The following KRT6C variants were observed in gnomAD, a reference collection of about 807,000 sequenced individuals.
KRT6C encodes keratin 6C, also known as keratin, type II cytoskeletal 6C.
Under a neutral mutation model 49.4 loss-of-function variants are expected in KRT6C, and 46 were observed. That is an observed-to-expected ratio of 0.93 (90% CI 0.74 to 1.19). The LOEUF is 1.19. KRT6C is among the 50% of genes most tolerant of loss of function. KRT6C has a pLI of 0.00. For missense variants in KRT6C, 552 were observed against 737.5 expected (o/e 0.75, Z 2.91); for synonymous variants, 236 against 297.1 (o/e 0.79, Z 2.12).
At position 52,469,982 on chromosome 12, in the gene KRT6C, A is replaced by G. The variant is rs1937845696; in HGVS notation, c.1204-92T>C. Reference sequence around the variant, plus strand: ...GTGAACCAGGGTCCTGTAACCCAAAATTGACAGAGAATGAGCTTTGACTCT... The same window carrying G: ...GTGAACCAGGGTCCTGTAACCCAAAGTTGACAGAGAATGAGCTTTGACTCT... On this transcript the variant is annotated intron_variant, in intron 6 of 8. Transcript: ENST00000252250. The G allele has an allele frequency of 3.6e-6, 5 of 1,378,892 alleles. No individual in the cohort carries two copies. In the South Asian group the frequency reaches 6.0e-5, roughly 17 times the overall value. 85.4% of individuals were successfully genotyped at this position (1,378,892 alleles called of 1,614,324 possible). A position where few individuals can be genotyped will look rare whatever the true frequency, so the allele number is the denominator to read the frequency against.
chr12:52,469,746 C>T lies in KRT6C; in HGVS notation c.1348G>A (p.Glu450Lys). 3 of 1,614,130 alleles carry T rather than the reference C, an allele frequency of 1.9e-6. No homozygotes were observed. The highest frequency in any genetic ancestry group is 2.5e-6 in the Non-Finnish European group (3 of 1,180,006). ...DLARLLKEYQ[E>K]LMNVKLALDV... ...AGGGCCAGCTTGACATTCATCAGCT[C>T]CTGGTACTCCTTCAGCAGCCGGGCC... Residue 450 changes from glutamate (E) to lysine (K), a missense_variant, in exon 7 of 9, where the codon GAG (glutamate) becomes AAG (lysine). Transcript: ENST00000252250.
chr12:52,468,718 G>A lies in KRT6C; in HGVS notation c.*344C>T. 1 of 321,958 alleles carries A rather than the reference G, an allele frequency of 3.1e-6. No homozygotes were observed. Among genetic ancestry groups the A allele is most frequent in the Non-Finnish European group, 5.8e-6 (1 of 173,154 alleles). The allele number at this position is 321,958 out of a possible 1,614,324, so 19.9% of individuals were successfully genotyped here. A position where few individuals can be genotyped will look rare whatever the true frequency, so the allele number is the denominator to read the frequency against. On this transcript the variant is annotated 3_prime_UTR_variant, in exon 9 of 9. Transcript: ENST00000252250. ...GAAGTTGTTCTGAAATAAGCCCCAGGCGATTTTCAGTAATGAAAAGGAACA... is the reference window on the plus strand; with the variant it reads ...GAAGTTGTTCTGAAATAAGCCCCAGACGATTTTCAGTAATGAAAAGGAACA...
rs1254263155 is a variant in KRT6C at position 52,468,876 on chromosome 12, AGCAATGGGTGCTCAGATGGG to A, written c.*166_*185del. 1 of 666,316 alleles carries A rather than the reference AGCAATGGGTGCTCAGATGGG, an allele frequency of 1.5e-6. No individual in the cohort carries two copies. Among genetic ancestry groups the A allele is most frequent in the Non-Finnish European group, 2.6e-6 (1 of 386,722 alleles). 41.3% of individuals were successfully genotyped at this position (666,316 alleles called of 1,614,324 possible). A position where few individuals can be genotyped will look rare whatever the true frequency, so the allele number is the denominator to read the frequency against. ...AAAATCAAAGGTTGATCTGATGGTG[AGCAATGGGTGCTCAGATGGG>A]GCAGGTATAGACAGAGAGAAGTGAG... On this transcript the variant is annotated 3_prime_UTR_variant, in exon 9 of 9. Coordinates refer to ENST00000252250, the MANE Select transcript of KRT6C (RefSeq NM_173086.5).
chr12:52,468,916 A>C lies in KRT6C; in HGVS notation c.*146T>G. On this transcript the variant is annotated 3_prime_UTR_variant, in exon 9 of 9. Coordinates refer to ENST00000252250, the MANE Select transcript of KRT6C (RefSeq NM_173086.5). ...GATGGGGCAGGTATAGACAGAGAGA[A>C]GTGAGGGCACTAAGCATCCATACCC... is the stretch of plus-strand genomic sequence containing the variant. 1.1e-6 allele frequency: 1 copy of C among 951,546 alleles called. No homozygotes were observed. The highest frequency in any genetic ancestry group is 1.6e-6 in the Non-Finnish European group (1 of 628,072). 58.9% of individuals were successfully genotyped at this position (951,546 alleles called of 1,614,324 possible).
Position 52,469,740 on chromosome 12 carries a change from T to G in KRT6C, c.1354A>C (p.Met452Leu). The G allele has an allele frequency of 6.2e-7, 1 of 1,614,142 alleles. No homozygotes were observed. The highest frequency in any genetic ancestry group is 8.5e-7 in the Non-Finnish European group (1 of 1,180,004). The change falls in exon 7 of 9, where the codon ATG (methionine) becomes CTG (leucine). Residue 452 changes from methionine to leucine, a missense_variant. Coordinates refer to ENST00000252250, the MANE Select transcript of KRT6C (RefSeq NM_173086.5). ...ARLLKEYQEL[M>L]NVKLALDVEI... ...ACATCCAGGGCCAGCTTGACATTCA[T>G]CAGCTCCTGGTACTCCTTCAGCAGC...
intron 6 of KRT6C, 156 bp from the exon 7 acceptor site, chr12:52,470,046 G>T: frequency 1.1e-6 from 1 of 904,268 alleles, no homozygotes; most frequent in Non-Finnish European, 1.7e-6. Context: ...TATTTGTCTA[G>T]TCTGGGAGTC....
At position 52,473,477 on chromosome 12, in the gene KRT6C, G is replaced by A. The variant is rs1204620241; in HGVS notation, c.261C>T (p.Ala87=). The change falls in exon 1 of 9, where the codon GCC becomes GCT. Residue 87 remains alanine (A), a synonymous_variant. Coordinates refer to ENST00000252250, the MANE Select transcript of KRT6C (RefSeq NM_173086.5). ...CGCCACCAAAGCCATAGCTGCCTCC[G>A]GCTCTGCTGCCATAGCCGCCACTGA... ...CAISGGYGSR[A]GGSYGFGGAG... is the part of the protein sequence containing the mutation. 7 of 1,441,600 alleles carry A rather than the reference G, an allele frequency of 4.9e-6. No individual in the cohort carries two copies. The highest frequency in any genetic ancestry group is 4.7e-5 in the South Asian group (4 of 85,134). 89.3% of individuals were successfully genotyped at this position (1,441,600 alleles called of 1,614,324 possible). A position where few individuals can be genotyped will look rare whatever the true frequency, so the allele number is the denominator to read the frequency against.
chr12:52,470,821 C>A (rs1937865190), intron 5 of KRT6C, among the ~76,000 whole-genome samples, 191 bp from the exon 6 acceptor site: 1 of 152,080 alleles, frequency 6.6e-6, no homozygotes, highest in Non-Finnish European at 1.5e-5. Flanking sequence ...CATTATGGCA[C>A]CACTGCCTGC....
Position 52,469,738 on chromosome 12 carries a change from C to T in KRT6C, c.1356G>A (p.Met452Ile). Residue 452 changes from methionine (M) to isoleucine (I), a missense_variant, in exon 7 of 9, where the codon ATG becomes ATA. By Grantham distance (10) the Met-to-Ile change is conservative. Coordinates refer to ENST00000252250, the MANE Select transcript of KRT6C (RefSeq NM_173086.5). Reference protein sequence around the residue: ...ARLLKEYQELMNVKLALDVEI... With the variant: ...ARLLKEYQELINVKLALDVEI... Reference sequence around the variant, plus strand: ...CCACATCCAGGGCCAGCTTGACATTCATCAGCTCCTGGTACTCCTTCAGCA... The same window carrying T: ...CCACATCCAGGGCCAGCTTGACATTTATCAGCTCCTGGTACTCCTTCAGCA... The T allele has an allele frequency of 6.2e-7, 1 of 1,614,164 alleles. No individual in the cohort carries two copies. Among genetic ancestry groups the T allele is most frequent in the Non-Finnish European group, 8.5e-7 (1 of 1,180,012 alleles).
At position 52,468,985 on chromosome 12, in the gene KRT6C, A is replaced by T; in HGVS notation, c.*77T>A. 1.9e-6 allele frequency: 3 copies of T among 1,596,228 alleles called. No individual in the cohort carries two copies. The highest frequency in any genetic ancestry group is 2.6e-6 in the Non-Finnish European group (3 of 1,165,970). ...AGGGAAGACTAGAGGCCAGGAGAGGATAGGCAACCTGAGGAGACGGCTCTG... is the reference window on the plus strand; with the variant it reads ...AGGGAAGACTAGAGGCCAGGAGAGGTTAGGCAACCTGAGGAGACGGCTCTG... On this transcript the variant is annotated 3_prime_UTR_variant, in exon 9 of 9. Transcript: ENST00000252250.
At chr12:52,469,920 C>T (rs781539331) in intron 6 of KRT6C, 30 bp from the exon 7 acceptor site, 2 of 1,613,052 alleles carry the variant, frequency 1.2e-6, no homozygotes, top group Non-Finnish European at 1.7e-6. Context: ...GAAGGAACTT[C>T]TTGTCTGCTC....
chr12:52,471,212 T>C lies in KRT6C; in HGVS notation c.997A>G (p.Ile333Val). ...TATTGGGCCTTGACCTCAGCGATGA[T>C]GCTGTCCAGGTCCAGGTTGCGGTTG... ...DNNRNLDLDSIIAEVKAQYEE... is the reference protein window; with the variant it reads ...DNNRNLDLDSVIAEVKAQYEE... Residue 333 changes from isoleucine (I) to valine (V), a missense_variant, in exon 5 of 9, where the codon ATC becomes GTC. Transcript: ENST00000252250. 6.2e-7 allele frequency: 1 copy of C among 1,614,188 alleles called. No homozygotes were observed. The highest frequency in any genetic ancestry group is 8.5e-7 in the Non-Finnish European group (1 of 1,180,034).
rs1416952211 is a variant in KRT6C, at chr12:52,472,055, G to GGA, written c.755+9_755+10dup. On this transcript the variant is annotated intron_variant, in intron 2 of 8. Coordinates refer to ENST00000252250, the MANE Select transcript of KRT6C (RefSeq NM_173086.5). Reference sequence around the variant, plus strand: ...TCTTGAAGTGTGTGCTGCAGGAAATGGAGTCCTCACTTGTTCTTGAGGTCC... The same window carrying GGA: ...TCTTGAAGTGTGTGCTGCAGGAAATGGAGAGTCCTCACTTGTTCTTGAGGTCC... 6.4e-7 allele frequency: 1 copy of GGA among 1,573,044 alleles called. No homozygotes were observed. Among genetic ancestry groups the GGA allele is most frequent in the Admixed American group, 1.7e-5 (1 of 57,284 alleles).
rs148291888 is a variant in KRT6C at position 52,470,464 on chromosome 12, C to T, written c.1203+41G>A. ...GCTAATGACTGCCTGATGGGTCTAGCAAAAAATGATGCTTCTTTCCTCCAC... is the reference window on the plus strand; with the variant it reads ...GCTAATGACTGCCTGATGGGTCTAGTAAAAAATGATGCTTCTTTCCTCCAC... On this transcript the variant is annotated intron_variant, in intron 6 of 8. Transcript: ENST00000252250. 70 of 1,613,952 alleles carry T rather than the reference C, an allele frequency of 4.3e-5. No individual in the cohort carries two copies. The African/African-American group carries it at 8.9e-4, about 21-fold the overall frequency.
In KRT6C at chr12:52,471,496, C is replaced by A; in HGVS notation, c.837G>T (p.Met279Ile). The A allele has an allele frequency of 6.2e-7, 1 of 1,613,658 alleles. No homozygotes were observed. The highest frequency in any genetic ancestry group is 2.2e-5 in the East Asian group (1 of 44,854). Residue 279 changes from methionine (M) to isoleucine (I), a missense_variant, in exon 4 of 9, where the codon ATG (methionine) becomes ATT (isoleucine). This residue lies in a region of KRT6C where 425 missense variants were observed against 439.4 expected (regional missense o/e 0.97). Coordinates refer to ENST00000252250, the MANE Select transcript of KRT6C (RefSeq NM_173086.5). ...CCTTGGCTTGCAGTTCAACCTTGTT[C>A]ATGTAGGCAGCATCCACATCCTGGG... ...TLKKDVDAAYMNKVELQAKAD... is the reference protein window; with the variant it reads ...TLKKDVDAAYINKVELQAKAD...
intron 8 of KRT6C, 54 bp from the exon 9 acceptor site, chr12:52,469,351 G>A (rs540508674): frequency 2.7e-5 from 43 of 1,614,008 alleles, no homozygotes; most frequent in Middle Eastern, 3.3e-4. Context: ...TCATCCTGCC[G>A]GCCTGAGCCC....
In KRT6C at chr12:52,473,511, C is replaced by G; in HGVS notation, c.227G>C (p.Ser76Thr). The change falls in exon 1 of 9, where the codon AGC (serine) becomes ACC (threonine). Residue 76 changes from serine (S) to threonine (T), a missense_variant. Transcript: ENST00000252250. The stretch of plus-strand genomic sequence containing the variant: ...GCCATAGCCGCCACTGATGGCACAG[C>G]TGCCCCCTCCAATGGAGATCCTCTT... Reference protein sequence around the residue: ...GSKRISIGGGSCAISGGYGSR... With the variant: ...GSKRISIGGGTCAISGGYGSR... 6.7e-7 allele frequency: 1 copy of G among 1,501,032 alleles called. No homozygotes were observed. The highest frequency in any genetic ancestry group is 9.1e-7 in the Non-Finnish European group (1 of 1,094,224). The allele number at this position is 1,501,032 out of a possible 1,614,324, so 93.0% of individuals were successfully genotyped here.
intron 6 of KRT6C, 33 bp downstream of exon 6, chr12:52,470,472 G>C (rs768301253): frequency 6.2e-7 from 1 of 1,614,100 alleles, no homozygotes; most frequent in Non-Finnish European, 8.5e-7. Flanking sequence ...AGCAAAAAAT[G>C]ATGCTTCTTT....
rs756592237 is a variant in KRT6C at position 52,470,525 on chromosome 12, T to A, written c.1183A>T (p.Ile395Phe). 18 of 1,614,066 alleles carry A rather than the reference T, an allele frequency of 1.1e-5. No individual in the cohort carries two copies. Among genetic ancestry groups the A allele is most frequent in the Non-Finnish European group, 1.4e-5 (16 of 1,180,044 alleles). Reference sequence around the variant, plus strand: ...TGTACCTGCTTCTTGACATGGTCGATCTCAGATCTCAGCCTCTGGATCATG... The same window carrying A: ...TGTACCTGCTTCTTGACATGGTCGAACTCAGATCTCAGCCTCTGGATCATG... ...NRMIQRLRSE[I>F]DHVKKQCASL... is the part of the protein sequence containing the mutation. Residue 395 changes from isoleucine (I) to phenylalanine (F), a missense_variant, in exon 6 of 9, where the codon ATC becomes TTC. Physicochemically the swap from Ile to Phe is conservative, Grantham distance 21. Transcript: ENST00000252250.
Sources: allele counts gnomAD v4.1 joint callset (sites outside exome capture counted in the v4.1 genomes callset), GRCh38; gene constraint gnomAD v4.1.1; regional missense constraint gnomAD v4.1.1; transcripts MANE v1.5; gene names NCBI Gene and HGNC (gene_info 2026-07-23, HGNC 2026-07-21).